TAFA2: variants seen among roughly 807,000 people sequenced by gnomAD.
TAFA2 encodes the protein chemokine-like protein TAFA-2.
Under a neutral mutation model 18.8 loss-of-function variants are expected in TAFA2, and 7 were observed. The observed-to-expected ratio is 0.37, with a 90% CI of 0.21 to 0.70. The LOEUF is 0.70. Among genes scored for constraint, TAFA2 ranks in the 30% least tolerant of loss-of-function variants. The pLI, the probability that TAFA2 is intolerant of heterozygous loss-of-function variation, is 0.53. For synonymous variants in TAFA2, 60 were observed against 54.2 expected (o/e 1.11, Z -0.47); for missense variants, 122 against 158.1 (o/e 0.77, Z 1.23).
chr12:62,036,542 T>C (rs1881617031), intron 1 of TAFA2, among the ~76,000 whole-genome samples: 1 of 152,214 alleles, frequency 6.6e-6, no homozygotes, highest in Admixed American at 6.5e-5. Flanking sequence ...GCTTCTTGTG[T>C]ATCTGTGTTC....
At chr12:61,912,396 A>G (rs1174704833) in intron 1 of TAFA2, among the ~76,000 whole-genome samples, 1 of 152,214 alleles carries the variant, frequency 6.6e-6, no homozygotes, top group Non-Finnish European at 1.5e-5. Flanking sequence ...CGAGTGAAAT[A>G]AAATACATTG....
At chr12:62,073,394 G>GAGGTAGGTGTTATATTAT (rs1882682823) in intron 1 of TAFA2, among the ~76,000 whole-genome samples, 1 of 151,480 alleles carries the variant, frequency 6.6e-6, no homozygotes, top group Non-Finnish European at 1.5e-5. Flanking sequence ...AAACACCTTT[G>GAGGTAGGTGTTATATTAT]AGGTAGGTGT....
intron 1 of TAFA2, chr12:62,235,439 G>T: frequency 1.6e-6 from 1 of 637,014 alleles, no homozygotes; most frequent in South Asian, 1.9e-5. Context: ...CTTATCCTGG[G>T]CAGCCTGGTG....
intron 1 of TAFA2, among the ~76,000 whole-genome samples, chr12:62,177,376 C>T (rs1021727414): frequency 1.3e-5 from 2 of 152,196 alleles, no homozygotes; most frequent in Non-Finnish European, 1.5e-5. Flanking sequence ...GCAAGCTGGG[C>T]AAAAACTCAG....
chr12:62,065,051 G>C (rs953863645), intron 1 of TAFA2, among the ~76,000 whole-genome samples: 1 of 151,966 alleles, frequency 6.6e-6, no homozygotes, highest in South Asian at 2.1e-4. Context: ...TTAGATAGCT[G>C]TTGTTGCTAT....
intron 1 of TAFA2, among the ~76,000 whole-genome samples, chr12:61,951,510 T>C (rs1171846751): frequency 6.6e-6 from 1 of 151,900 alleles, no homozygotes; most frequent in Non-Finnish European, 1.5e-5. Context: ...GCAACAGTAA[T>C]TGGATGTAAG....
intron 1 of TAFA2, among the ~76,000 whole-genome samples, chr12:62,244,231 T>C (rs1399587863): frequency 8.1e-6 from 1 of 122,726 alleles, no homozygotes; most frequent in Admixed American, 9.1e-5. Flanking sequence ...GGGGTGTTTC[T>C]TTTGTCTTTT....
At chr12:61,927,093 A>AAAT (rs1877334388) in intron 1 of TAFA2, among the ~76,000 whole-genome samples, 1 of 142,814 alleles carries the variant, frequency 7.0e-6, no homozygotes, top group African/African-American at 2.6e-5. Flanking sequence ...AAAAAAAAAA[A>AAAT]ATACAGGCAC....
At chr12:62,173,718 A>G (rs1198871672) in intron 1 of TAFA2, among the ~76,000 whole-genome samples, 1 of 152,210 alleles carries the variant, frequency 6.6e-6, no homozygotes, top group Non-Finnish European at 1.5e-5. Flanking sequence ...AGTATCAAAC[A>G]ACCTCTAGTG....
intron 1 of TAFA2, among the ~76,000 whole-genome samples, chr12:62,246,018 ACT>A (rs1430620491): frequency 1.4e-5 from 2 of 144,634 alleles, no homozygotes; most frequent in Non-Finnish European, 3.0e-5. Context: ...ACGGAGTCTC[ACT>A]CTGTCGCCCA....
chr12:62,024,510 T>C (rs1042552486), intron 1 of TAFA2, among the ~76,000 whole-genome samples: 2 of 152,144 alleles, frequency 1.3e-5, no homozygotes, highest in African/African-American at 4.8e-5. Context: ...TTAAGAATCC[T>C]AGAATAAAAC....
intron 1 of TAFA2, chr12:62,145,436 C>T (rs958829314): frequency 3.3e-5 from 5 of 152,146 alleles, no homozygotes; most frequent in East Asian, 1.9e-4. Context: ...AGTTTCATCC[C>T]GAAACCATCC....
intron 1 of TAFA2, among the ~76,000 whole-genome samples, chr12:61,987,083 T>TA (rs944150908): frequency 2.6e-5 from 4 of 152,182 alleles, no homozygotes; most frequent in African/African-American, 9.6e-5. Context: ...GTCACTAAAA[T>TA]AAAAAATGTT....
chr12:61,808,810 G>A (rs573061160), intron 2 of TAFA2, among the ~76,000 whole-genome samples: 8 of 151,490 alleles, frequency 5.3e-5, no homozygotes, highest in African/African-American at 9.8e-5. Flanking sequence ...TGCCTGCAGC[G>A]CATACGGAAT....
chr12:61,840,936 A>G (rs1267198547), intron 2 of TAFA2, among the ~76,000 whole-genome samples: 1 of 152,148 alleles, frequency 6.6e-6, no homozygotes, highest in Non-Finnish European at 1.5e-5. Flanking sequence ...AAGGTCAACC[A>G]TCAACATAAA....
At chr12:62,079,265 C>T (rs1868283874) in intron 1 of TAFA2, among the ~76,000 whole-genome samples, 1 of 152,144 alleles carries the variant, frequency 6.6e-6, no homozygotes, top group South Asian at 2.1e-4. Context: ...CCATACATGC[C>T]TCTCTATCAA....
chr12:61,867,326 G>T lies in TAFA2; in HGVS notation c.100C>A (p.His34Asn). Reference protein sequence around the residue: ...WGKVVSSANHHKAHHVKTGTC... With the variant: ...WGKVVSSANHNKAHHVKTGTC... ...AAAAAACAGAAAAGCTTACCTTTATGATGGTTTGCACTGGATACAACTTTC... is the reference window on the plus strand; with the variant it reads ...AAAAAACAGAAAAGCTTACCTTTATTATGGTTTGCACTGGATACAACTTTC... The change falls in exon 2 of 5, where the codon CAT becomes AAT. Residue 34 changes from histidine (H) to asparagine (N), a missense_variant. Physicochemically the swap from His to Asn is moderately conservative, Grantham distance 68. Coordinates refer to ENST00000416284, the MANE Select transcript of TAFA2 (RefSeq NM_178539.5). The T allele has an allele frequency of 1.3e-6, 2 of 1,562,544 alleles. No individual in the cohort carries two copies. Among genetic ancestry groups the T allele is most frequent in the Non-Finnish European group, 1.7e-6 (2 of 1,147,156 alleles).
intron 1 of TAFA2, among the ~76,000 whole-genome samples, chr12:62,103,747 GAA>G (rs112510582): frequency 1.1e-4 from 14 of 124,000 alleles, no homozygotes; most frequent in African/African-American, 3.6e-4. Context: ...TTCTCAAAAA[GAA>G]AAAAAAAAAA....
chr12:61,827,422 T>G (rs1872570681), intron 2 of TAFA2, among the ~76,000 whole-genome samples: 1 of 152,070 alleles, frequency 6.6e-6, no homozygotes, highest in African/African-American at 2.4e-5. Flanking sequence ...TCTCTACCAT[T>G]ACTTGTTCCT....
Sources: allele counts gnomAD v4.1 joint callset (sites outside exome capture counted in the v4.1 genomes callset), GRCh38; gene constraint gnomAD v4.1.1; transcripts MANE v1.5; gene names NCBI Gene and HGNC (gene_info 2026-07-23, HGNC 2026-07-21).